The following COMMD7 variants were observed in gnomAD, a reference collection of about 807,000 sequenced individuals.
COMMD7 encodes COMM domain-containing protein 7.
A neutral mutation model predicts 34.8 loss-of-function variants in COMMD7; 28 were observed. That is an observed-to-expected ratio of 0.80 (90% CI 0.60 to 1.10). The LOEUF (loss-of-function observed/expected upper bound fraction) is 1.10, where lower values mean the gene tolerates loss of function less well. Ranked by LOEUF, COMMD7 falls within the 50% of genes least tolerant of loss-of-function variation. The pLI is 0.00. For synonymous variants in COMMD7, 80 were observed against 86.4 expected (o/e 0.93, Z 0.41); for missense variants, 211 against 241.6 (o/e 0.87, Z 0.84).
In COMMD7 at chr20:32,706,705, C is replaced by T. The variant is rs758513776; in HGVS notation, c.297G>A (p.Leu99=). The T allele has an allele frequency of 8.1e-6, 13 of 1,613,830 alleles. No homozygotes were observed. In the Admixed American group the frequency reaches 1.2e-4, roughly 14 times the overall value. The change falls in exon 4 of 9, where the codon CTG becomes CTA. Residue 99 remains leucine (L), a splice_region_variant and synonymous_variant. Transcript: ENST00000278980. ...GAGCAACCCTGGCCAATGACCTACC[C>T]AGAGTTATGAAATCCGCCTGGACCT... ...AKQVQADFIT[L]GLSEEKATYF...
At chr20:32,714,944 T>C (rs887183269) in intron 3 of COMMD7, among the ~76,000 whole-genome samples, 2 of 145,976 alleles carry the variant, frequency 1.4e-5, no homozygotes, top group African/African-American at 5.1e-5. Flanking sequence ...CAGGAGGCAG[T>C]GGTTGCAGTG....
At chr20:32,713,788 C>T (rs537314374) in intron 3 of COMMD7, among the ~76,000 whole-genome samples, 2 of 152,326 alleles carry the variant, frequency 1.3e-5, no homozygotes, top group South Asian at 4.1e-4. Context: ...AGAAAGACCA[C>T]AGCAATAACG....
In COMMD7 at chr20:32,741,397, T is replaced by TG. The variant is rs1233182215; in HGVS notation, c.84+1910_84+1911insC. Among the ~76,000 whole-genome samples the TG allele has an allele frequency of 2.7e-3, 406 of 149,410 alleles. 6 individuals carry two copies. The highest frequency in any genetic ancestry group is 9.7e-3 in the African/African-American group (396 of 40,792). On this transcript the variant is annotated intron_variant, in intron 1 of 8. Transcript: ENST00000278980. ...CCACCGTACCCAACTAGAAAGTTGTTTTTTTTTTTTTGAGATGAAGTCTCA... is the reference window on the plus strand; with the variant it reads ...CCACCGTACCCAACTAGAAAGTTGTTGTTTTTTTTTTTGAGATGAAGTCTCA...
At chr20:32,728,169 A>T in intron 1 of COMMD7, 27 bp from the exon 2 acceptor site, 1 of 1,613,064 alleles carries the variant, frequency 6.2e-7, no homozygotes, top group Non-Finnish European at 8.5e-7. Context: ...ACAGAACATC[A>T]GTACAATTTC....
intron 1 of COMMD7, among the ~76,000 whole-genome samples, chr20:32,728,976 G>A (rs1470060585): frequency 1.3e-5 from 2 of 152,084 alleles, no homozygotes; most frequent in East Asian, 3.9e-4. Context: ...AGTTTTGTGT[G>A]TCTTAATCTT....
At chr20:32,711,818 T>G (rs2145722570) in intron 3 of COMMD7, among the ~76,000 whole-genome samples, 1 of 94,844 alleles carries the variant, frequency 1.1e-5, no homozygotes, top group African/African-American at 4.2e-5. Flanking sequence ...GAAAATTGTG[T>G]GGGGCCTCTT....
At chr20:32,740,581 A>G (rs1329702964) in intron 1 of COMMD7, among the ~76,000 whole-genome samples, 1 of 152,112 alleles carries the variant, frequency 6.6e-6, no homozygotes, top group Non-Finnish European at 1.5e-5. Flanking sequence ...ATCCGCGCCC[A>G]GCCATGTTTG....
intron 5 of COMMD7, among the ~76,000 whole-genome samples, chr20:32,705,608 C>T (rs541646181): frequency 1.3e-5 from 2 of 151,940 alleles, no homozygotes; most frequent in African/African-American, 2.4e-5. Context: ...CTCCTGACCT[C>T]GTGATCCGCC....
At chr20:32,732,095 T>A (rs539944088) in intron 1 of COMMD7, among the ~76,000 whole-genome samples, 10 of 152,250 alleles carry the variant, frequency 6.6e-5, no homozygotes, top group Admixed American at 6.5e-4. Context: ...TAACTTGTAT[T>A]TTTTTGAGGC....
intron 1 of COMMD7, among the ~76,000 whole-genome samples, chr20:32,737,017 C>G (rs934832484): frequency 6.6e-6 from 1 of 151,808 alleles, no homozygotes; most frequent in Non-Finnish European, 1.5e-5. Flanking sequence ...CCCGTCTCTA[C>G]TAAAAATACA....
At chr20:32,731,279 C>CA (rs1985820843) in intron 1 of COMMD7, among the ~76,000 whole-genome samples, 1 of 152,110 alleles carries the variant, frequency 6.6e-6, no homozygotes, top group Non-Finnish European at 1.5e-5. Flanking sequence ...GATCACACCA[C>CA]TGAACTCCAG....
In COMMD7 at chr20:32,740,657, G is replaced by A. The variant is rs190663151; in HGVS notation, c.84+2651C>T. Among the ~76,000 whole-genome samples the A allele has an allele frequency of 9.8e-4, 149 of 152,064 alleles. 2 individuals are homozygous for A. The highest frequency in any genetic ancestry group is 9.8e-3 in the Admixed American group (149 of 15,224). On this transcript the variant is annotated intron_variant, in intron 1 of 8. Coordinates refer to ENST00000278980, the MANE Select transcript of COMMD7 (RefSeq NM_053041.3). ...TAACAAAACCAGCCTGGGCAACATG[G>A]CAAAACTCTGTCTTTACAAAAAATA...
chr20:32,710,102 G>A lies in COMMD7; in HGVS notation c.242-3342C>T, dbSNP rs150232961. 2.4e-3 allele frequency among the ~76,000 whole-genome samples: 368 copies of A among 151,340 alleles called. 3 individuals carry two copies. Among genetic ancestry groups the A allele is most frequent in the East Asian group, 5.7e-3 (29 of 5,130 alleles). ...CACTATCTTGCCAGCTCAAACTCCC[G>A]CACTCAAGCAATACTCCCACCTTGG... On this transcript the variant is annotated intron_variant, in intron 3 of 8. Transcript: ENST00000278980.
chr20:32,715,498 A>C (rs1984726968), intron 3 of COMMD7, among the ~76,000 whole-genome samples: 2 of 94,554 alleles, frequency 2.1e-5, no homozygotes, highest in South Asian at 3.4e-4. Context: ...AACAAACAAA[A>C]AGAATAAAAT....
At chr20:32,743,236 G>GGCCCC in intron 1 of COMMD7, 72 bp downstream of exon 1, 1 of 555,858 alleles carries the variant, frequency 1.8e-6, no homozygotes. Flanking sequence ...ACCCCCGGAC[G>GGCCCC]TCCCCCCCAC....
intron 1 of COMMD7, among the ~76,000 whole-genome samples, chr20:32,738,124 C>T (rs1238317629): frequency 6.6e-6 from 1 of 152,064 alleles, no homozygotes; most frequent in Non-Finnish European, 1.5e-5. Flanking sequence ...GGCTGCCTGA[C>T]ATTATTTATT....
intron 8 of COMMD7, 162 bp from the exon 9 acceptor site, chr20:32,703,620 A>G: frequency 2.8e-6 from 4 of 1,440,664 alleles, no homozygotes; most frequent in Non-Finnish European, 3.6e-6. Flanking sequence ...GAGAGACTTG[A>G]ATGCAGAAGG....
chr20:32,730,354 A>C (rs189740445), intron 1 of COMMD7, among the ~76,000 whole-genome samples: 11 of 152,184 alleles, frequency 7.2e-5, no homozygotes, highest in Admixed American at 2.6e-4. Context: ...CGGGAGTTCA[A>C]GACCAGCCTG....
chr20:32,704,035 T>C lies in COMMD7; in HGVS notation c.514A>G (p.Asn172Asp). Reference sequence around the variant, plus strand: ...AATTCAGACTCACCTATATACACATTTTCGGTTTGATTTCCTTTCTTAACC... The same window carrying C: ...AATTCAGACTCACCTATATACACATCTTCGGTTTGATTTCCTTTCTTAACC... ...LVVKKGNQTE[N>D]VYIELTLPQF... Residue 172 changes from asparagine (N) to aspartate (D), a missense_variant, in exon 8 of 9, where the codon AAT becomes GAT. Asn to Asp is a conservative substitution (Grantham distance 23, BLOSUM62 1). Transcript: ENST00000278980. 6.2e-7 allele frequency: 1 copy of C among 1,611,034 alleles called. No individual in the cohort carries two copies.
Sources: gnomAD v4.1 joint callset for allele counts (sites outside exome capture counted in the v4.1 genomes callset) on GRCh38, gnomAD v4.1.1 for gene constraint, MANE v1.5 for transcripts, NCBI Gene and HGNC (gene_info 2026-07-23, HGNC 2026-07-21) for gene names.